Variants in ZNF385D observed in about 807,000 individuals in gnomAD.
The protein encoded by ZNF385D is zinc finger protein 659.
In ZNF385D, 15 loss-of-function variants were observed where a neutral mutation model predicts 35.8. The ratio of observed to expected loss-of-function variants is 0.42; its 90% CI spans 0.28 to 0.64. The LOEUF (loss-of-function observed/expected upper bound fraction) is 0.64. Ranked by LOEUF, ZNF385D falls within the 30% of genes least tolerant of loss-of-function variation. ZNF385D has a pLI of 0.23. For synonymous variants in ZNF385D, 212 were observed against 186.8 expected (o/e 1.13, Z -1.10); for missense variants, 474 against 494.6 (o/e 0.96, Z 0.39).
intron 2 of ZNF385D, among the ~76,000 whole-genome samples, chr3:21,633,952 T>G (rs1028267320): frequency 6.6e-6 from 1 of 151,980 alleles, no homozygotes; most frequent in African/African-American, 2.4e-5. Context: ...TCCTAGCACT[T>G]TGGAAAGATC....
At chr3:22,293,087 G>A (rs900486694) in intron 2 of ZNF385D, among the ~76,000 whole-genome samples, 5 of 152,052 alleles carry the variant, frequency 3.3e-5, no homozygotes, top group African/African-American at 4.8e-5. Flanking sequence ...GAACATTACT[G>A]TCTTATATAT....
At chr3:21,947,241 A>G (rs503119) in intron 3 of ZNF385D, among the ~76,000 whole-genome samples, 39,374 of 152,046 alleles carry the variant, frequency 0.26, 5,802 homozygotes, top group Admixed American at 0.41. Context: ...TACGATTTAA[A>G]TATATTTTGA....
intron 1 of ZNF385D, among the ~76,000 whole-genome samples, chr3:21,712,728 G>C (rs2068161445): frequency 6.6e-6 from 1 of 152,088 alleles, no homozygotes; most frequent in South Asian, 2.1e-4. Context: ...TTTTACTATT[G>C]TCTGAATACA....
At chr3:21,966,831 C>A (rs1702941572) in intron 3 of ZNF385D, among the ~76,000 whole-genome samples, 1 of 152,336 alleles carries the variant, frequency 6.6e-6, no homozygotes, top group East Asian at 1.9e-4. Flanking sequence ...ATCTGCCAAC[C>A]TTGGCCTCCG....
intron 3 of ZNF385D, among the ~76,000 whole-genome samples, chr3:21,945,139 T>C (rs1701712437): frequency 1.4e-5 from 2 of 141,190 alleles, no homozygotes; most frequent in African/African-American, 5.4e-5. Context: ...TATATATATG[T>C]ATATGCATAT....
intron 3 of ZNF385D, among the ~76,000 whole-genome samples, chr3:21,812,721 C>G (rs906680406): frequency 6.6e-6 from 1 of 152,242 alleles, no homozygotes. Flanking sequence ...GTGGAGCCCA[C>G]CACAGCTCAA....
At chr3:21,538,160 C>T (rs1034930140) in intron 3 of ZNF385D, among the ~76,000 whole-genome samples, 2 of 151,872 alleles carry the variant, frequency 1.3e-5, no homozygotes, top group Non-Finnish European at 2.9e-5. Flanking sequence ...GACTGAGATG[C>T]GGCCTTTGGT....
intron 3 of ZNF385D, among the ~76,000 whole-genome samples, chr3:21,812,229 C>T (rs750933483): frequency 5.3e-5 from 8 of 152,282 alleles, no homozygotes; most frequent in Non-Finnish European, 8.8e-5. Flanking sequence ...CTTAAGGATC[C>T]GGTTCCAAGA....
chr3:21,926,321 C>A (rs916523649), intron 3 of ZNF385D, among the ~76,000 whole-genome samples: 1 of 151,910 alleles, frequency 6.6e-6, no homozygotes, highest in Non-Finnish European at 1.5e-5. Flanking sequence ...GTGTGATGCT[C>A]CCCTCCCTGT....
chr3:22,293,468 A>T (rs2125401109), intron 2 of ZNF385D, among the ~76,000 whole-genome samples: 1 of 152,224 alleles, frequency 6.6e-6, no homozygotes, highest in South Asian at 2.1e-4. Flanking sequence ...CCAATAAAAG[A>T]GTCCTCTTTG....
chr3:21,469,943 T>A (rs1019342964), intron 4 of ZNF385D, among the ~76,000 whole-genome samples: 9 of 146,962 alleles, frequency 6.1e-5, no homozygotes, highest in South Asian at 4.3e-4. Context: ...AAAAAAAAAA[T>A]TAATGGGTAA....
At chr3:21,956,201 CA>C (rs994497278) in intron 3 of ZNF385D, among the ~76,000 whole-genome samples, 5 of 146,916 alleles carry the variant, frequency 3.4e-5, no homozygotes, top group Admixed American at 1.4e-4. Flanking sequence ...AACAAACAAA[CA>C]AAAAAAAGTG....
At chr3:21,514,393 T>C (rs544780007) in intron 3 of ZNF385D, among the ~76,000 whole-genome samples, 1 of 152,268 alleles carries the variant, frequency 6.6e-6, no homozygotes, top group South Asian at 2.1e-4. Flanking sequence ...AACAATAAGA[T>C]TTGAGCTTTA....
chr3:21,949,687 CTAATGCTAT>C (rs1701970483), intron 3 of ZNF385D, among the ~76,000 whole-genome samples: 1 of 151,640 alleles, frequency 6.6e-6, no homozygotes, highest in Non-Finnish European at 1.5e-5. Context: ...GGTATTTCTC[CTAATGCTAT>C]CCCTCCCCTA....
chr3:22,120,422 C>T (rs911682260), intron 3 of ZNF385D, among the ~76,000 whole-genome samples: 2 of 152,148 alleles, frequency 1.3e-5, no homozygotes, highest in East Asian at 3.9e-4. Flanking sequence ...AGGACTATAC[C>T]CTTATGACCT....
At chr3:21,928,622 G>T (rs1700862584) in intron 3 of ZNF385D, among the ~76,000 whole-genome samples, 1 of 152,086 alleles carries the variant, frequency 6.6e-6, no homozygotes, top group Non-Finnish European at 1.5e-5. Context: ...GGAAAATAGT[G>T]GGGAGATAGA....
At chr3:22,267,330 C>T (rs1391550612) in intron 2 of ZNF385D, among the ~76,000 whole-genome samples, 2 of 151,588 alleles carry the variant, frequency 1.3e-5, no homozygotes, top group Non-Finnish European at 2.9e-5. Context: ...AGACAATAAA[C>T]CTCTTAGTTT....
chr3:21,558,613 A>C (rs1357682559), intron 3 of ZNF385D, among the ~76,000 whole-genome samples: 1 of 152,182 alleles, frequency 6.6e-6, no homozygotes, highest in Non-Finnish European at 1.5e-5. Context: ...GTTGCTGAGA[A>C]GAACGTATAT....
At chr3:21,569,583 G>A (rs1268850020) in intron 2 of ZNF385D, among the ~76,000 whole-genome samples, 6 of 150,378 alleles carry the variant, frequency 4.0e-5, no homozygotes, top group African/African-American at 4.9e-5. Flanking sequence ...ATATTGTTAC[G>A]TGTGAATTTG....
Sources: allele counts gnomAD v4.1 joint callset (sites outside exome capture counted in the v4.1 genomes callset), GRCh38; gene constraint gnomAD v4.1.1; transcripts MANE v1.5; gene names NCBI Gene and HGNC (gene_info 2026-07-23, HGNC 2026-07-21).